RNF180: variants seen among roughly 807,000 people sequenced by gnomAD.
RNF180 encodes the protein ring finger protein 180.
Under a neutral mutation model 59.2 loss-of-function variants are expected in RNF180, and 38 were observed. The observed-to-expected ratio is 0.64, with a 90% CI of 0.50 to 0.84. The LOEUF (loss-of-function observed/expected upper bound fraction) is 0.84, where lower values mean the gene tolerates loss of function less well. RNF180 is among the 40% of genes least tolerant of loss of function. The pLI, the probability that RNF180 is intolerant of heterozygous loss-of-function variation, is 0.00. For synonymous variants in RNF180, 262 were observed against 240.3 expected, an observed-to-expected ratio of 1.09 and a Z score of -0.84; for missense variants, 705 against 700.9, an observed-to-expected ratio of 1.01 and a Z score of -0.07.
At chr5:64,177,203 C>G (rs958186908) in intron 1 of RNF180, among the ~76,000 whole-genome samples, 2 of 152,124 alleles carry the variant, frequency 1.3e-5, no homozygotes, top group Non-Finnish European at 2.9e-5. Flanking sequence ...CTGCTCAAGT[C>G]AAACATTATA....
chr5:64,348,603 G>A (rs1302985137), intron 7 of RNF180, among the ~76,000 whole-genome samples: 1 of 151,938 alleles, frequency 6.6e-6, no homozygotes, highest in Non-Finnish European at 1.5e-5. Context: ...TGAAGCAATA[G>A]CGATTTTTTT....
intron 5 of RNF180, among the ~76,000 whole-genome samples, chr5:64,238,248 A>T (rs1369343714): frequency 1.3e-5 from 2 of 152,144 alleles, no homozygotes; most frequent in African/African-American, 4.8e-5. Flanking sequence ...CTGTTAATGG[A>T]CATTTGGGTT....
intron 5 of RNF180, among the ~76,000 whole-genome samples, chr5:64,279,047 T>A (rs138737990): frequency 1.0e-3 from 156 of 152,242 alleles, no homozygotes; most frequent in African/African-American, 3.6e-3. Context: ...ATATGACTAC[T>A]CAAGGAGAAT....
chr5:64,172,028 T>C (rs908640626), intron 1 of RNF180, among the ~76,000 whole-genome samples: 1 of 152,216 alleles, frequency 6.6e-6, no homozygotes, highest in Non-Finnish European at 1.5e-5. Context: ...TTGTTTGAGC[T>C]TCTTCTTTTA....
chr5:64,330,433 A>G (rs1158414914), intron 7 of RNF180, 27 bp downstream of exon 7: 2 of 1,523,428 alleles, frequency 1.3e-6, no homozygotes, highest in East Asian at 2.5e-5. Flanking sequence ...CCAAAAAAAA[A>G]GTCTGGTAAT....
chr5:64,271,166 AAAC>A (rs1741373820), intron 5 of RNF180, among the ~76,000 whole-genome samples: 1 of 152,074 alleles, frequency 6.6e-6, no homozygotes, highest in Non-Finnish European at 1.5e-5. Context: ...AGTAAATAAA[AAAC>A]TACAACTAAG....
At chr5:64,273,372 C>A (rs1741534188) in intron 5 of RNF180, among the ~76,000 whole-genome samples, 1 of 151,850 alleles carries the variant, frequency 6.6e-6, no homozygotes, top group South Asian at 2.1e-4. Context: ...TGTGAAATAG[C>A]CATTCTTTTA....
At chr5:64,306,735 A>T (rs898596055) in intron 5 of RNF180, among the ~76,000 whole-genome samples, 1 of 151,544 alleles carries the variant, frequency 6.6e-6, no homozygotes, top group Admixed American at 6.6e-5. Flanking sequence ...CAAAAAACCA[A>T]ACACCACATA....
At chr5:64,171,961 C>T (rs1272358921) in intron 1 of RNF180, among the ~76,000 whole-genome samples, 4 of 152,140 alleles carry the variant, frequency 2.6e-5, no homozygotes, top group Non-Finnish European at 5.9e-5. Context: ...AGTTGGGTAA[C>T]ATCTTTGGCA....
intron 5 of RNF180, among the ~76,000 whole-genome samples, chr5:64,245,043 A>G (rs1000855127): frequency 1.3e-5 from 2 of 152,262 alleles, no homozygotes; most frequent in African/African-American, 4.8e-5. Flanking sequence ...AAATTCTGAG[A>G]GATTTTGTCA....
At chr5:64,347,740 A>G (rs139001440) in intron 7 of RNF180, among the ~76,000 whole-genome samples, 52 of 152,288 alleles carry the variant, frequency 3.4e-4, no homozygotes, top group African/African-American at 7.9e-4. Context: ...AAACCTTGCA[A>G]ACAACTGAGC....
chr5:64,260,866 A>G lies in RNF180; in HGVS notation c.1227+43470A>G, dbSNP rs143017832. ...TTTCTTAGCACAATGCTTTCCACAT[A>G]GTAAGTACTATTGTTTATATTGTTG... is the stretch of plus-strand genomic sequence containing the variant. On this transcript the variant is annotated intron_variant, in intron 5 of 7. Transcript: ENST00000389100. Among the ~76,000 whole-genome samples the G allele has an allele frequency of 5.1e-3, 777 of 152,016 alleles. 7 individuals carry two copies. Among genetic ancestry groups the G allele is most frequent in the African/African-American group, 0.018 (744 of 41,482 alleles).
intron 5 of RNF180, among the ~76,000 whole-genome samples, chr5:64,265,353 G>A (rs1424346934): frequency 6.6e-6 from 1 of 152,038 alleles, no homozygotes. Context: ...GGTTTTTATG[G>A]TTTTCAGTCT....
intron 7 of RNF180, among the ~76,000 whole-genome samples, chr5:64,332,036 A>G (rs1221251941): frequency 6.6e-6 from 1 of 152,166 alleles, no homozygotes; most frequent in African/African-American, 2.4e-5. Flanking sequence ...GGCTGTGCAC[A>G]GTGGCTGGAC....
intron 1 of RNF180, among the ~76,000 whole-genome samples, chr5:64,185,451 A>G (rs1750822542): frequency 6.6e-6 from 1 of 152,166 alleles, no homozygotes; most frequent in Non-Finnish European, 1.5e-5. Flanking sequence ...GTAGAAGCGT[A>G]TTGTATACTA....
intron 3 of RNF180, 117 bp downstream of exon 3, chr5:64,212,277 A>T: frequency 1.6e-6 from 1 of 641,976 alleles, no homozygotes; most frequent in South Asian, 1.9e-5. Context: ...ACTGCTCCTC[A>T]CTCCCATTAC....
rs75268301 is a variant in RNF180 at position 64,300,491 on chromosome 5, C to T, written c.1228-24695C>T. ...AACTGGCATATTTATTTCCGACTTA[C>T]AGTGGCTTTTTTGGGATGTTACTTC... On this transcript the variant is annotated intron_variant, in intron 5 of 7. Coordinates refer to ENST00000389100, the MANE Select transcript of RNF180 (RefSeq NM_001113561.2). Among the ~76,000 whole-genome samples, 273 of 151,950 alleles carry T rather than the reference C, an allele frequency of 1.8e-3. 3 individuals are homozygous for T. In the East Asian group the frequency reaches 0.043, roughly 24 times the overall value.
At chr5:64,275,200 T>G (rs1741648299) in intron 5 of RNF180, among the ~76,000 whole-genome samples, 1 of 151,566 alleles carries the variant, frequency 6.6e-6, no homozygotes, top group Non-Finnish European at 1.5e-5. Context: ...CCATATGCTC[T>G]TAATCACTGG....
At chr5:64,332,478 C>T (rs1018977407) in intron 7 of RNF180, among the ~76,000 whole-genome samples, 12 of 152,164 alleles carry the variant, frequency 7.9e-5, no homozygotes, top group African/African-American at 2.2e-4. Context: ...ATGACTTCAG[C>T]GATATCATAG....
Sources: gnomAD v4.1 joint callset for allele counts (sites outside exome capture counted in the v4.1 genomes callset) on GRCh38, gnomAD v4.1.1 for gene constraint, MANE v1.5 for transcripts, NCBI Gene and HGNC (gene_info 2026-07-23, HGNC 2026-07-21) for gene names.